POLA1: variants seen among roughly 807,000 people sequenced by gnomAD.
POLA1 encodes DNA polymerase alpha 1, catalytic subunit.
Under a neutral mutation model 124.0 loss-of-function variants are expected in POLA1, and 15 were observed. That is an observed-to-expected ratio of 0.12 (90% CI 0.08 to 0.19). The LOEUF (loss-of-function observed/expected upper bound fraction) is 0.19. POLA1 is among the 10% of genes least tolerant of loss of function. The pLI is 1.00. For synonymous variants in POLA1, 408 were observed against 389.4 expected, an observed-to-expected ratio of 1.05 and a Z score of -0.56; for missense variants, 886 against 1,103.4, an observed-to-expected ratio of 0.80 and a Z score of 2.79.
chrX:24,770,497 A>G lies in POLA1; in HGVS notation c.2964+21505A>G, dbSNP rs755452930. Among the ~76,000 whole-genome samples the G allele has an allele frequency of 1.6e-4, 18 of 111,920 alleles. No homozygotes were observed. The South Asian group carries it at 2.6e-3, about 16-fold the overall frequency. ...TGTCGTCTTTACAGGGTGAAGCCCA[A>G]GAGGAACCATATTATGTTACAAACT... is the stretch of plus-strand genomic sequence containing the variant. On this transcript the variant is annotated intron_variant, in intron 26 of 36. Transcript: ENST00000379068.
chrX:24,704,536 C>G (rs1033525386), intron 4 of POLA1, 67 bp downstream of exon 4: 4 of 697,317 alleles, frequency 5.7e-6, no homozygotes, highest in African/African-American at 2.1e-5. Context: ...TTAGAGATGA[C>G]TTGATACTCT....
chrX:24,795,485 T>C (rs957781391), intron 26 of POLA1, among the ~76,000 whole-genome samples: 9 of 110,853 alleles, frequency 8.1e-5, no homozygotes, highest in African/African-American at 3.0e-4. Context: ...AAATAAAGAA[T>C]GAGAAGCAGC....
intron 36 of POLA1, among the ~76,000 whole-genome samples, chrX:24,972,719 A>G (rs868803250): frequency 1.8e-5 from 2 of 112,207 alleles, no homozygotes; most frequent in South Asian, 7.4e-4. Context: ...TTTGCAGAAT[A>G]CCCTGCTTAT....
intron 35 of POLA1, among the ~76,000 whole-genome samples, chrX:24,915,861 A>C (rs191372571): frequency 3.8e-4 from 43 of 112,243 alleles, no homozygotes; most frequent in Non-Finnish European, 7.9e-4. Flanking sequence ...GAATGAGGAC[A>C]TGGATTATCT....
chrX:24,951,918 T>C (rs1278197098), intron 36 of POLA1, among the ~76,000 whole-genome samples: 1 of 112,087 alleles, frequency 8.9e-6, no homozygotes, highest in Non-Finnish European at 1.9e-5. Flanking sequence ...CAATGGAGTC[T>C]GACACCCTAA....
At chrX:24,788,884 G>C in intron 26 of POLA1, 1 of 1,200,201 alleles carries the variant, frequency 8.3e-7, no homozygotes, top group Non-Finnish European at 1.1e-6. Context: ...TTTCCTTTTC[G>C]TAAGACTTGA....
intron 34 of POLA1, among the ~76,000 whole-genome samples, chrX:24,844,044 T>G (rs1441449070): frequency 9.0e-6 from 1 of 111,604 alleles, no homozygotes; most frequent in Non-Finnish European, 1.9e-5. Flanking sequence ...TATTGGCTAT[T>G]GTCAGCAAGT....
At chrX:24,781,974 G>A (rs765933239) in intron 26 of POLA1, among the ~76,000 whole-genome samples, 2 of 111,567 alleles carry the variant, frequency 1.8e-5, no homozygotes, top group Non-Finnish European at 3.8e-5. Flanking sequence ...TATTTACTGA[G>A]TAGCTGTCAG....
At chrX:24,745,343 C>T in intron 23 of POLA1, 75 bp from the exon 24 acceptor site, 1 of 719,414 alleles carries the variant, frequency 1.4e-6, no homozygotes, top group Non-Finnish European at 2.1e-6. Context: ...AATATACTTA[C>T]AGTGCTTTTA....
chrX:24,717,206 AGCCTTTGTGC>A, intron 8 of POLA1, 74 bp from the exon 9 acceptor site: 1 of 800,535 alleles, frequency 1.2e-6, no homozygotes, highest in African/African-American at 2.1e-5. Flanking sequence ...GTGTTGGATA[AGCCTTTGTGC>A]GCCTTTGTGT....
intron 35 of POLA1, among the ~76,000 whole-genome samples, chrX:24,893,480 A>G (rs1174127246): frequency 1.8e-5 from 2 of 111,940 alleles, no homozygotes; most frequent in African/African-American, 6.5e-5. Context: ...TACATTCACA[A>G]TGCTGTGTGG....
chrX:24,769,172 G>A (rs369340653), intron 26 of POLA1, among the ~76,000 whole-genome samples: 2 of 111,209 alleles, frequency 1.8e-5, no homozygotes, highest in East Asian at 2.8e-4. Flanking sequence ...TTTTGGACCC[G>A]TTCATAATCA....
chrX:24,971,786 A>G (rs1225817029), intron 36 of POLA1, among the ~76,000 whole-genome samples: 1 of 109,789 alleles, frequency 9.1e-6, no homozygotes, highest in Non-Finnish European at 1.9e-5. Flanking sequence ...CCATAAACAT[A>G]TAATAGTGTG....
chrX:24,988,510 A>G (rs2048501816), intron 36 of POLA1, among the ~76,000 whole-genome samples: 1 of 112,548 alleles, frequency 8.9e-6, no homozygotes, highest in Admixed American at 9.4e-5. Flanking sequence ...CCTTTGCAAG[A>G]ATGTCCCAGC....
At chrX:24,759,636 T>G (rs1291362031) in intron 26 of POLA1, among the ~76,000 whole-genome samples, 2 of 112,650 alleles carry the variant, frequency 1.8e-5, no homozygotes, top group Non-Finnish European at 3.7e-5. Flanking sequence ...AACTTTTATC[T>G]GAAAAGATAG....
chrX:24,934,101 C>G (rs1175221043), intron 36 of POLA1, among the ~76,000 whole-genome samples: 3 of 111,540 alleles, frequency 2.7e-5, no homozygotes, highest in African/African-American at 9.8e-5. Flanking sequence ...TGAAATGGTC[C>G]CATTTGGCTG....
At chrX:24,947,246 C>CTTTTTTTTTTTTTTTTTTTTTT (rs764618354) in intron 36 of POLA1, among the ~76,000 whole-genome samples, 1 of 21,606 alleles carries the variant, frequency 4.6e-5, no homozygotes, top group Non-Finnish European at 8.3e-5. Flanking sequence ...CCTGCAGATT[C>CTTTTTTTTTTTTTTTTTTTTTT]TTTTTTTTTT....
chrX:24,905,823 A>G (rs2047359043), intron 35 of POLA1, among the ~76,000 whole-genome samples: 1 of 111,885 alleles, frequency 8.9e-6, no homozygotes, highest in African/African-American at 3.3e-5. Context: ...TCGGCCTCCC[A>G]AAGTGCTAGG....
Position 24,821,362 on chromosome X carries a change from A to G in POLA1, c.3430-90A>G, listed in dbSNP as rs553503496. 1.1e-3 allele frequency: 699 copies of G among 655,093 alleles called. 3 individuals are homozygous for G. Among genetic ancestry groups the G allele is most frequent in the Middle Eastern group, 1.6e-3 (4 of 2,442 alleles). The allele number at this position is 655,093 out of a possible 1,213,427, so 54.0% of individuals were successfully genotyped here. A position where few individuals can be genotyped will look rare whatever the true frequency, so the allele number is the denominator to read the frequency against. On this transcript the variant is annotated intron_variant, in intron 30 of 36. Transcript: ENST00000379068. ...TGTCATTTTTTATGTTTATGTGGCT[A>G]GTATGATTCTAGCAAAGATGTTTTT...
Sources: gnomAD v4.1 joint callset for allele counts (sites outside exome capture counted in the v4.1 genomes callset) on GRCh38, gnomAD v4.1.1 for gene constraint, MANE v1.5 for transcripts, NCBI Gene and HGNC (gene_info 2026-07-23, HGNC 2026-07-21) for gene names.